Variants in SV2C observed in about 807,000 individuals in gnomAD.
SV2C encodes synaptic vesicle glycoprotein 2C, also known as solute carrier family 22 member B3.
SV2C carries 49 observed loss-of-function variants against 79.7 expected under a neutral mutation model. The ratio of observed to expected loss-of-function variants is 0.61; its 90% CI spans 0.49 to 0.78. The LOEUF (loss-of-function observed/expected upper bound fraction) is 0.78, where lower values mean the gene tolerates loss of function less well. SV2C is among the 30% of genes least tolerant of loss of function. The pLI is 0.00. For synonymous variants in SV2C, 334 were observed against 333.2 expected (o/e 1.00, Z -0.03); for missense variants, 833 against 912.9 (o/e 0.91, Z 1.13).
chr5:76,193,173 T>C (rs913406156), intron 2 of SV2C, among the ~76,000 whole-genome samples: 2 of 152,218 alleles, frequency 1.3e-5, no homozygotes, highest in African/African-American at 2.4e-5. Context: ...CACAGGTACA[T>C]GAGTTTACAC....
chr5:76,146,795 TTTAAAAAAAA>T (rs1749441248), intron 2 of SV2C, among the ~76,000 whole-genome samples: 1 of 76,520 alleles, frequency 1.3e-5, no homozygotes, highest in East Asian at 5.1e-4. Flanking sequence ...TGAGTTTTTT[TTTAAAAAAAA>T]AAAAAAAAAA....
chr5:76,320,766 G>A (rs1748801689), intron 12 of SV2C, among the ~76,000 whole-genome samples: 1 of 152,026 alleles, frequency 6.6e-6, no homozygotes, highest in Non-Finnish European at 1.5e-5. Flanking sequence ...TGTTTTTAGT[G>A]GTTGCTGCCA....
intron 1 of SV2C, among the ~76,000 whole-genome samples, chr5:76,110,730 G>A (rs1422225804): frequency 1.3e-5 from 2 of 152,178 alleles, no homozygotes; most frequent in African/African-American, 2.4e-5. Flanking sequence ...GTCTCCTTAC[G>A]GACATTTTAT....
At chr5:76,313,234 T>A (rs1202764898) in intron 12 of SV2C, among the ~76,000 whole-genome samples, 2 of 152,230 alleles carry the variant, frequency 1.3e-5, no homozygotes, top group Non-Finnish European at 2.9e-5. Context: ...AATATCTCAC[T>A]TATTTGTGAA....
chr5:76,119,047 A>G (rs1748386239), intron 1 of SV2C, among the ~76,000 whole-genome samples: 1 of 152,230 alleles, frequency 6.6e-6, no homozygotes, highest in Non-Finnish European at 1.5e-5. Context: ...AAATCTGAGT[A>G]AGACTTCCCA....
chr5:76,196,024 C>A (rs1164391793), intron 3 of SV2C, among the ~76,000 whole-genome samples: 1 of 151,972 alleles, frequency 6.6e-6, no homozygotes, highest in Non-Finnish European at 1.5e-5. Context: ...AATTTTTAAA[C>A]ATAAATGAAG....
At chr5:75,976,335 T>C in the SV2C span, among the ~76,000 whole-genome samples, 2 of 152,138 alleles carry the variant, frequency 1.3e-5, no homozygotes, top group South Asian at 4.1e-4. Flanking sequence ...AAATAAGAAA[T>C]GTGGAGATCA....
Position 76,291,783 on chromosome 5 carries a change from A to C in SV2C, c.1264A>C (p.Met422Leu). ...TELYGIWLTF[M>L]RCFNYPVRDN... is the part of the protein sequence containing the mutation. ...TATTTCACAGATTTGGTTGACTTTT[A>C]TGAGATGTTTCAACTACCCAGTCAG... Residue 422 changes from methionine (M) to leucine (L), a missense_variant, in exon 8 of 13, where the codon ATG becomes CTG. By Grantham distance (15) the Met-to-Leu change is conservative. Transcript: ENST00000502798. The C allele has an allele frequency of 1.2e-6, 2 of 1,609,584 alleles. No individual in the cohort carries two copies. Among genetic ancestry groups the C allele is most frequent in the Non-Finnish European group, 1.7e-6 (2 of 1,177,270 alleles).
the SV2C span, among the ~76,000 whole-genome samples, chr5:75,906,020 C>T: frequency 1.3e-5 from 2 of 150,668 alleles, no homozygotes; most frequent in African/African-American, 2.4e-5. Context: ...GAAAGATGGT[C>T]GTGTGATGAT....
At chr5:76,323,016 A>G (rs1171068178) in intron 12 of SV2C, among the ~76,000 whole-genome samples, 1 of 152,258 alleles carries the variant, frequency 6.6e-6, no homozygotes, top group Non-Finnish European at 1.5e-5. Flanking sequence ...CAATTTCAAC[A>G]AAAGCCAAAA....
chr5:76,202,298 C>T (rs1285544385), intron 3 of SV2C, among the ~76,000 whole-genome samples: 1 of 152,168 alleles, frequency 6.6e-6, no homozygotes, highest in Non-Finnish European at 1.5e-5. Flanking sequence ...AATATTGACT[C>T]TCATCAGTGA....
At chr5:76,263,291 T>C (rs902239195) in intron 4 of SV2C, among the ~76,000 whole-genome samples, 1 of 151,950 alleles carries the variant, frequency 6.6e-6, no homozygotes, top group Admixed American at 6.6e-5. Flanking sequence ...TTTGTTTTGT[T>C]TTGTTTTGCT....
chr5:76,271,266 A>G (rs150429352), intron 4 of SV2C, among the ~76,000 whole-genome samples: 226 of 152,336 alleles, frequency 1.5e-3, no homozygotes, highest in African/African-American at 5.1e-3. Context: ...GCCAAATATT[A>G]GGGTGCCAGG....
the SV2C span, among the ~76,000 whole-genome samples, chr5:75,878,797 G>A: frequency 6.6e-6 from 1 of 152,092 alleles, no homozygotes; most frequent in Admixed American, 6.6e-5. Context: ...TTTACCATTT[G>A]TAACAGGCAA....
chr5:76,045,179 C>T, the SV2C span, among the ~76,000 whole-genome samples: 4 of 152,138 alleles, frequency 2.6e-5, no homozygotes, highest in Non-Finnish European at 4.4e-5. Context: ...AATCCTTTCC[C>T]CATTGCTTGT....
chr5:75,925,651 G>A, the SV2C span, among the ~76,000 whole-genome samples: 2,297 of 152,102 alleles, frequency 0.015, 56 homozygotes, highest in African/African-American at 0.052. Context: ...CAGGCTAATC[G>A]CAGTATCATG....
intron 1 of SV2C, among the ~76,000 whole-genome samples, chr5:76,114,537 A>C (rs1748200740): frequency 6.6e-6 from 1 of 152,246 alleles, no homozygotes; most frequent in Non-Finnish European, 1.5e-5. Context: ...AATAGGAATG[A>C]GGCCGACTTG....
intron 3 of SV2C, among the ~76,000 whole-genome samples, chr5:76,196,264 G>A (rs1744268606): frequency 6.6e-6 from 1 of 152,214 alleles, no homozygotes; most frequent in East Asian, 1.9e-4. Flanking sequence ...CAAATTTTAG[G>A]AGCTTTCCTT....
intron 2 of SV2C, among the ~76,000 whole-genome samples, chr5:76,140,376 A>G (rs1360627099): frequency 2.0e-5 from 3 of 152,168 alleles, no homozygotes; most frequent in Admixed American, 6.5e-5. Context: ...TCTTTGAGAG[A>G]AGAGCTGGAT....
Sources: gnomAD v4.1 joint callset for allele counts (sites outside exome capture counted in the v4.1 genomes callset) on GRCh38, gnomAD v4.1.1 for gene constraint, MANE v1.5 for transcripts, NCBI Gene and HGNC (gene_info 2026-07-23, HGNC 2026-07-21) for gene names.